The following SPECC1 variants were observed in gnomAD, a reference collection of about 807,000 sequenced individuals.
SPECC1 encodes the protein cytospin-B.
Under a neutral mutation model 104.1 loss-of-function variants are expected in SPECC1, and 62 were observed. The ratio of observed to expected loss-of-function variants is 0.60; its 90% confidence interval spans 0.49 to 0.74. The LOEUF (loss-of-function observed/expected upper bound fraction) is 0.74, where lower values mean the gene tolerates loss of function less well. Among genes scored for constraint, SPECC1 ranks in the 30% least tolerant of loss-of-function variants. The probability of loss-of-function intolerance (pLI) is 0.00; values close to 1 mark genes in which losing one functional copy is unlikely to be tolerated. For synonymous variants in SPECC1, 513 were observed against 501.6 expected, an observed-to-expected ratio of 1.02 and a Z score of -0.30; for missense variants, 1,306 against 1,310.5, an observed-to-expected ratio of 1.00 and a Z score of 0.05.
intron 3 of SPECC1, among the ~76,000 whole-genome samples, chr17:20,191,216 T>C (rs138097559): frequency 3.3e-5 from 5 of 152,276 alleles, no homozygotes; most frequent in Middle Eastern, 3.4e-3. Flanking sequence ...TGTGGACATA[T>C]GTTTTTGACT....
In SPECC1 at chr17:20,086,109, C is replaced by T. The variant is rs574486492; in HGVS notation, c.-21-10522C>T. Among the ~76,000 whole-genome samples the T allele has an allele frequency of 2.6e-5, 4 of 152,342 alleles. No individual in the cohort carries two copies. In the East Asian group the frequency reaches 5.8e-4, roughly 22 times the overall value. ...GCCATCATGTCCATGACACTGAAGG[C>T]CTCTGCTGCCTGCAGTCCCACTGCT... On this transcript the variant is annotated intron_variant, in intron 1 of 14. Transcript: ENST00000395527.
intron 14 of SPECC1, among the ~76,000 whole-genome samples, chr17:20,313,220 A>G (rs993650999): frequency 2.6e-5 from 4 of 152,256 alleles, no homozygotes; most frequent in Non-Finnish European, 5.9e-5. Flanking sequence ...TAGCAAAAGT[A>G]AAATAAAAAT....
At chr17:20,073,833 T>C (rs1422777097) in intron 1 of SPECC1, 3 of 152,184 alleles carry the variant, frequency 2.0e-5, no homozygotes, top group Non-Finnish European at 4.4e-5. Flanking sequence ...GCAGTGTGAA[T>C]ACATTCTCCC....
At chr17:20,202,815 G>T (rs1347851087) in intron 3 of SPECC1, among the ~76,000 whole-genome samples, 1 of 152,120 alleles carries the variant, frequency 6.6e-6, no homozygotes, top group African/African-American at 2.4e-5. Flanking sequence ...AAGTTGTTCA[G>T]GGGTCAACTA....
At chr17:20,270,451 A>C (rs1033237671) in intron 12 of SPECC1, among the ~76,000 whole-genome samples, 3 of 145,840 alleles carry the variant, frequency 2.1e-5, no homozygotes, top group Non-Finnish European at 4.5e-5. Context: ...AAAAAAAAAA[A>C]AAAAAAAAAA....
intron 12 of SPECC1, among the ~76,000 whole-genome samples, chr17:20,264,892 C>T (rs2040166228): frequency 1.3e-5 from 2 of 152,104 alleles, no homozygotes; most frequent in South Asian, 2.1e-4. Context: ...TCTGTTCCTG[C>T]GTTAGTTTGC....
chr17:20,084,413 C>T (rs544475901), intron 1 of SPECC1, among the ~76,000 whole-genome samples: 177 of 151,896 alleles, frequency 1.2e-3, no homozygotes, highest in African/African-American at 3.9e-3. Flanking sequence ...CCAGCCTGGG[C>T]GACAAGGGGA....
chr17:20,090,529 G>T (rs943829069), intron 1 of SPECC1, among the ~76,000 whole-genome samples: 9 of 150,958 alleles, frequency 6.0e-5, no homozygotes, highest in African/African-American at 2.2e-4. Flanking sequence ...AAAGTCTCTG[G>T]TTCCCTCCTA....
intron 3 of SPECC1, among the ~76,000 whole-genome samples, chr17:20,167,994 T>G (rs1452072776): frequency 2.0e-5 from 3 of 152,146 alleles, no homozygotes; most frequent in African/African-American, 7.2e-5. Context: ...ATTAAACACA[T>G]AAGACAGCTG....
At chr17:20,107,067 C>T (rs1048426864) in intron 2 of SPECC1, among the ~76,000 whole-genome samples, 1 of 134,578 alleles carries the variant, frequency 7.4e-6, no homozygotes, top group Non-Finnish European at 1.5e-5. Context: ...GGATGAGAAT[C>T]AGGAAGGCAG....
At chr17:20,020,136 T>C (rs1024208913) in intron 1 of SPECC1, among the ~76,000 whole-genome samples, 2 of 152,312 alleles carry the variant, frequency 1.3e-5, no homozygotes, top group Non-Finnish European at 1.5e-5. Flanking sequence ...GGTGGTGATA[T>C]AAAACACCAC....
At chr17:20,262,503 G>C (rs1374593658) in intron 12 of SPECC1, among the ~76,000 whole-genome samples, 1 of 152,204 alleles carries the variant, frequency 6.6e-6, no homozygotes, top group Non-Finnish European at 1.5e-5. Flanking sequence ...GTAATGTGTA[G>C]TACTGTCTCA....
intron 3 of SPECC1, among the ~76,000 whole-genome samples, chr17:20,169,062 G>T (rs963041168): frequency 6.6e-6 from 1 of 152,024 alleles, no homozygotes; most frequent in African/African-American, 2.4e-5. Flanking sequence ...TTGTAGAGAC[G>T]GGGTTTCACT....
In SPECC1 at chr17:20,124,155, A is replaced by T. The variant is rs949011221; in HGVS notation, c.283+13593A>T. Among the ~76,000 whole-genome samples, 9 of 151,834 alleles carry T rather than the reference A, an allele frequency of 5.9e-5. No individual in the cohort carries two copies. The South Asian group carries it at 1.9e-3, about 32-fold the overall frequency. ...AGGGAATGGGGAGAATGGGGTGGGG[A>T]TGTGTAGATGGCAACAGGGAGGGGA... On this transcript the variant is annotated intron_variant, in intron 3 of 14. Coordinates refer to ENST00000395527, the MANE Select transcript of SPECC1 (RefSeq NM_001243439.2).
At chr17:20,149,775 C>G (rs2031815752) in intron 3 of SPECC1, among the ~76,000 whole-genome samples, 1 of 152,142 alleles carries the variant, frequency 6.6e-6, no homozygotes, top group African/African-American at 2.4e-5. Flanking sequence ...CTGCTGCTTT[C>G]TAGCGGAGTA....
At chr17:20,295,929 C>T (rs1026507337) in intron 12 of SPECC1, among the ~76,000 whole-genome samples, 22 of 152,264 alleles carry the variant, frequency 1.4e-4, no homozygotes, top group African/African-American at 5.1e-4. Flanking sequence ...AGCCCTTTGC[C>T]AGATGGGTAG....
intron 1 of SPECC1, among the ~76,000 whole-genome samples, chr17:20,011,818 A>ACATT (rs1157871867): frequency 6.6e-6 from 1 of 151,954 alleles, no homozygotes; most frequent in East Asian, 1.9e-4. Context: ...TTCCAACGAG[A>ACATT]CATTATTGCT....
chr17:20,061,220 C>T (rs1010546278), intron 1 of SPECC1, among the ~76,000 whole-genome samples: 10 of 152,098 alleles, frequency 6.6e-5, no homozygotes, highest in East Asian at 1.9e-4. Context: ...TACAGGTGCC[C>T]GCCACCACGC....
At chr17:20,019,207 C>CATTTATTTATTT (rs751117883) in intron 1 of SPECC1, among the ~76,000 whole-genome samples, 3 of 127,188 alleles carry the variant, frequency 2.4e-5, no homozygotes, top group African/African-American at 5.6e-5. Flanking sequence ...AAGACCCTAT[C>CATTTATTTATTT]ATTCATTTAT....
Sources: gnomAD v4.1 joint callset for allele counts (sites outside exome capture counted in the v4.1 genomes callset) on GRCh38, gnomAD v4.1.1 for gene constraint, MANE v1.5 for transcripts, NCBI Gene and HGNC (gene_info 2026-07-23, HGNC 2026-07-21) for gene names.